The following CHMP4B variants were observed in gnomAD, a reference collection of about 807,000 sequenced individuals.
CHMP4B encodes SNF7 homolog associated with Alix 1.
In CHMP4B, 1 loss-of-function variant was observed where a neutral mutation model predicts 25.1. The ratio of observed to expected loss-of-function variants is 0.04; its 90% confidence interval spans 0.01 to 0.19. The LOEUF is 0.19. CHMP4B is among the 10% of genes least tolerant of loss of function. The pLI is 1.00. For missense variants in CHMP4B, 151 were observed against 289.7 expected, an observed-to-expected ratio of 0.52 and a Z score of 3.48; for synonymous variants, 101 against 115.6, an observed-to-expected ratio of 0.87 and a Z score of 0.81.
intron 1 of CHMP4B, among the ~76,000 whole-genome samples, chr20:33,829,829 C>G (rs1253539239): frequency 1.3e-5 from 2 of 152,138 alleles, no homozygotes; most frequent in Non-Finnish European, 2.9e-5. Flanking sequence ...CACAGGACAT[C>G]TGAGCATTAT....
chr20:33,854,054 T>A lies in CHMP4B; in HGVS notation c.*494T>A, dbSNP rs1195486129. The stretch of plus-strand genomic sequence containing the variant: ...CTGTAATAATGCATCTGATTTTGAT[T>A]TCCTCCAGAGCTGTGTTTCTGTCCA... On this transcript the variant is annotated 3_prime_UTR_variant, in exon 5 of 5. Coordinates refer to ENST00000217402, the MANE Select transcript of CHMP4B (RefSeq NM_176812.5). The A allele has an allele frequency of 4.7e-6, 1 of 212,286 alleles. No individual in the cohort carries two copies. The highest frequency in any genetic ancestry group is 1.2e-4 in the East Asian group (1 of 8,404). 13.2% of individuals were successfully genotyped at this position (212,286 alleles called of 1,614,324 possible).
At chr20:33,830,425 T>A (rs1053730006) in intron 1 of CHMP4B, among the ~76,000 whole-genome samples, 8 of 152,188 alleles carry the variant, frequency 5.3e-5, no homozygotes, top group Admixed American at 1.3e-4. Flanking sequence ...ACTGGGTGGT[T>A]TAAGCAACAG....
chr20:33,852,648 T>A (rs180742457), intron 4 of CHMP4B, among the ~76,000 whole-genome samples: 177 of 152,316 alleles, frequency 1.2e-3, no homozygotes, highest in Admixed American at 2.0e-3. Context: ...GAGCCTCTTT[T>A]CTAGAATGAT....
chr20:33,811,531 C>A lies in CHMP4B; in HGVS notation c.63C>A (p.Thr21=). The change falls in exon 1 of 5, where the codon ACC becomes ACA. Residue 21 remains threonine, a synonymous_variant. Coordinates refer to ENST00000217402, the MANE Select transcript of CHMP4B (RefSeq NM_176812.5). ...GTAAGGCCGGCAAGGGCGGCCCGACCCCCCAGGAGGCCATCCAGCGGCTGC... is the reference window on the plus strand; with the variant it reads ...GTAAGGCCGGCAAGGGCGGCCCGACACCCCAGGAGGCCATCCAGCGGCTGC... ...GGGKAGKGGP[T]PQEAIQRLRD... The A allele has an allele frequency of 1.2e-6, 2 of 1,609,570 alleles. No individual in the cohort carries two copies. The highest frequency in any genetic ancestry group is 1.3e-5 in the African/African-American group (1 of 75,044).
At chr20:33,839,475 G>A (rs188601566) in intron 1 of CHMP4B, among the ~76,000 whole-genome samples, 24 of 152,222 alleles carry the variant, frequency 1.6e-4, no homozygotes, top group African/African-American at 5.5e-4. Flanking sequence ...AGTGTAGAGA[G>A]GATGGTAATA....
At chr20:33,834,525 C>T (rs1011378265) in intron 1 of CHMP4B, among the ~76,000 whole-genome samples, 3 of 152,128 alleles carry the variant, frequency 2.0e-5, no homozygotes, top group South Asian at 2.1e-4. Context: ...GTTGCTCAGT[C>T]CCAAGCTGGT....
intron 1 of CHMP4B, among the ~76,000 whole-genome samples, chr20:33,834,983 G>T (rs1979351630): frequency 6.6e-6 from 1 of 151,974 alleles, no homozygotes; most frequent in African/African-American, 2.4e-5. Flanking sequence ...TTGTAGTAGA[G>T]ACGAGTTTCA....
Position 33,811,609 on chromosome 20 carries a change from C to A in CHMP4B, c.141C>A (p.Ile47=). 6.2e-7 allele frequency: 1 copy of A among 1,613,884 alleles called. No homozygotes were observed. Among genetic ancestry groups the A allele is most frequent in the East Asian group, 2.2e-5 (1 of 44,870 alleles). ...SKKQEFLEKK[I]EQELTAAKKH... The stretch of plus-strand genomic sequence containing the variant: ...AACAGGAGTTCCTGGAGAAGAAAAT[C>A]GAGCAGGAGCTGACGGCCGCCAAGA... The change falls in exon 1 of 5, where the codon ATC becomes ATA. Residue 47 remains isoleucine, a synonymous_variant. Transcript: ENST00000217402.
chr20:33,847,016 C>T (rs1373553056), intron 1 of CHMP4B, among the ~76,000 whole-genome samples: 1 of 151,932 alleles, frequency 6.6e-6, no homozygotes, highest in Non-Finnish European at 1.5e-5. Flanking sequence ...TACATATGTA[C>T]ATGTGGAAAT....
At chr20:33,844,190 T>C (rs1192573806) in intron 1 of CHMP4B, among the ~76,000 whole-genome samples, 1 of 152,222 alleles carries the variant, frequency 6.6e-6, no homozygotes, top group African/African-American at 2.4e-5. Context: ...CCAGGAGGAA[T>C]GCAGTGGAAA....
At chr20:33,821,301 C>T (rs1021329338) in intron 1 of CHMP4B, among the ~76,000 whole-genome samples, 7 of 150,174 alleles carry the variant, frequency 4.7e-5, no homozygotes, top group Non-Finnish European at 8.8e-5. Flanking sequence ...GCAGGAGAAT[C>T]GCTTGAACCA....
chr20:33,842,920 T>C (rs1318047063), intron 1 of CHMP4B, among the ~76,000 whole-genome samples: 2 of 152,248 alleles, frequency 1.3e-5, no homozygotes, highest in African/African-American at 4.8e-5. Context: ...TATTTGCCCC[T>C]ATACTGAACG....
intron 1 of CHMP4B, among the ~76,000 whole-genome samples, chr20:33,813,159 AG>A (rs1491417410): frequency 6.7e-6 from 1 of 148,910 alleles, no homozygotes; most frequent in East Asian, 2.0e-4. Context: ...AAAAAAAAAA[AG>A]GGGGAGGAGC....
chr20:33,840,468 G>C (rs1355176647), intron 1 of CHMP4B, among the ~76,000 whole-genome samples: 2 of 152,202 alleles, frequency 1.3e-5, no homozygotes, highest in Admixed American at 1.3e-4. Context: ...GTTCAGAGAT[G>C]TGAAATAACT....
At chr20:33,828,019 T>A (rs576131916) in intron 1 of CHMP4B, among the ~76,000 whole-genome samples, 5 of 152,356 alleles carry the variant, frequency 3.3e-5, no homozygotes, top group African/African-American at 1.2e-4. Flanking sequence ...GCATAAGTCC[T>A]GGCTCCATCA....
chr20:33,826,436 G>C (rs2122790692), intron 1 of CHMP4B, among the ~76,000 whole-genome samples: 1 of 152,246 alleles, frequency 6.6e-6, no homozygotes, highest in South Asian at 2.1e-4. Context: ...GCCTCCCTGA[G>C]GGGCCCTGGA....
intron 1 of CHMP4B, among the ~76,000 whole-genome samples, chr20:33,819,580 G>C (rs1978876600): frequency 6.6e-6 from 1 of 152,222 alleles, no homozygotes; most frequent in Non-Finnish European, 1.5e-5. Context: ...TTACAGGGCA[G>C]AGCTGGCTTG....
chr20:33,815,971 G>A (rs994919699), intron 1 of CHMP4B, among the ~76,000 whole-genome samples: 5 of 152,210 alleles, frequency 3.3e-5, no homozygotes, highest in South Asian at 2.1e-4. Context: ...CCTGCTGGGT[G>A]TGTAGCCAAA....
At chr20:33,848,045 A>G (rs1979736058) in intron 1 of CHMP4B, among the ~76,000 whole-genome samples, 1 of 152,130 alleles carries the variant, frequency 6.6e-6, no homozygotes, top group South Asian at 2.1e-4. Context: ...TGAGAGGCAT[A>G]CACACTGATG....
Sources: allele counts gnomAD v4.1 joint callset (sites outside exome capture counted in the v4.1 genomes callset), GRCh38; gene constraint gnomAD v4.1.1; transcripts MANE v1.5; gene names NCBI Gene and HGNC (gene_info 2026-07-23, HGNC 2026-07-21).